ZNF33A: variants seen among roughly 807,000 people sequenced by gnomAD.
ZNF33A encodes the protein zinc finger protein 33A.
ZNF33A carries 9 observed loss-of-function variants against 15.9 expected under a neutral mutation model. That is an observed-to-expected ratio of 0.57 (90% confidence interval 0.34 to 0.99). The LOEUF (loss-of-function observed/expected upper bound fraction) is 0.99. Among genes scored for constraint, ZNF33A ranks in the 50% least tolerant of loss-of-function variants. ZNF33A has a pLI of 0.02. For synonymous variants in ZNF33A, 294 were observed against 324.2 expected (o/e 0.91, Z 1.00); for missense variants, 843 against 941.6 (o/e 0.90, Z 1.37).
At chr10:38,061,652 G>C (rs1210075739), downstream of ZNF33A, among the ~76,000 whole-genome samples, 2 of 152,070 alleles carry the variant, frequency 1.3e-5, no homozygotes, top group Admixed American at 1.3e-4. Flanking sequence ...AAGTCATGTT[G>C]AGGCTGGGTG....
chr10:38,018,056 T>C (rs1678836563), intron 4 of ZNF33A, among the ~76,000 whole-genome samples: 1 of 152,206 alleles, frequency 6.6e-6, no homozygotes, highest in Non-Finnish European at 1.5e-5. Flanking sequence ...ACTGTGCCAC[T>C]GCACTCCAGC....
chr10:38,010,502 G>A, upstream of ZNF33A: 1 of 629,722 alleles, frequency 1.6e-6, no homozygotes, highest in Non-Finnish European at 2.9e-6. Context: ...GCTGCAGGCA[G>A]TTCCAGCACC....
At chr10:38,044,366 C>A (rs2065860084) in intron 4 of ZNF33A, among the ~76,000 whole-genome samples, 1 of 101,128 alleles carries the variant, frequency 9.9e-6, no homozygotes, top group East Asian at 3.0e-4. Flanking sequence ...TGTGCTACCA[C>A]ACTCAGCTAA....
At chr10:38,013,907 C>G (rs1241746201) in intron 2 of ZNF33A, among the ~76,000 whole-genome samples, 2 of 152,122 alleles carry the variant, frequency 1.3e-5, no homozygotes, top group African/African-American at 4.8e-5. Context: ...GTCCCCCTCA[C>G]AATCCTGACA....
downstream of ZNF33A, among the ~76,000 whole-genome samples, chr10:38,067,766 C>G (rs1281124527): frequency 6.6e-6 from 1 of 152,104 alleles, no homozygotes; most frequent in East Asian, 1.9e-4. Context: ...AACTCAGAAA[C>G]CAGTTGAAAA....
chr10:38,066,211 C>T (rs532860528), downstream of ZNF33A, among the ~76,000 whole-genome samples: 67 of 152,250 alleles, frequency 4.4e-4, no homozygotes, highest in African/African-American at 1.4e-3. Flanking sequence ...ATACACTTCT[C>T]CTGGTGTGAT....
At chr10:38,037,092 A>G (rs925722407) in intron 4 of ZNF33A, among the ~76,000 whole-genome samples, 9 of 151,922 alleles carry the variant, frequency 5.9e-5, no homozygotes, top group Non-Finnish European at 1.2e-4. Flanking sequence ...ATGAAGTCTA[A>G]TTTGTTTTTT....
In ZNF33A at chr10:38,044,968, C is replaced by G. The variant is rs548293455; in HGVS notation, c.251-9407C>G. Among the ~76,000 whole-genome samples, 4 of 152,102 alleles carry G rather than the reference C, an allele frequency of 2.6e-5. No individual in the cohort carries two copies. The South Asian group carries it at 6.2e-4, about 24-fold the overall frequency. On this transcript the variant is annotated intron_variant, in intron 4 of 4. Transcript: ENST00000432900. ...CAGGCGTGAGCCACCGTGTCTGGCC[C>G]GAACATATTTATAATAGCTGCTTTG...
chr10:38,033,727 T>TG (rs2065317919), intron 4 of ZNF33A, among the ~76,000 whole-genome samples: 3 of 146,366 alleles, frequency 2.0e-5, no homozygotes, highest in African/African-American at 7.6e-5. Flanking sequence ...TTTTTTTTCT[T>TG]TTTGAGATGG....
At chr10:38,045,160 C>G (rs1423298439) in intron 4 of ZNF33A, among the ~76,000 whole-genome samples, 1 of 152,040 alleles carries the variant, frequency 6.6e-6, no homozygotes, top group South Asian at 2.1e-4. Flanking sequence ...GATACTGGTT[C>G]CTCTATTCTC....
In ZNF33A at chr10:38,056,230, C is replaced by G; in HGVS notation, c.2106C>G (p.Phe702Leu). Reference protein sequence around the residue: ...PYECNECGKFFRHKSSLTVHH... With the variant: ...PYECNECGKFLRHKSSLTVHH... ...AATGCAATGAATGTGGGAAATTCTT[C>G]AGGCACAAATCATCACTCACAGTAC... The change falls in exon 5 of 5, where the codon TTC becomes TTG. Residue 702 changes from phenylalanine (F) to leucine (L), a missense_variant. Physicochemically the swap from Phe to Leu is conservative, Grantham distance 22. Transcript: ENST00000432900. The G allele has an allele frequency of 1.2e-6, 2 of 1,614,110 alleles. No individual in the cohort carries two copies. The highest frequency in any genetic ancestry group is 1.7e-6 in the Non-Finnish European group (2 of 1,179,980).
In ZNF33A at chr10:38,057,218, AATCTGAG is replaced by A. The variant is rs61204266; in HGVS notation, c.*664_*670del. 2.4e-3 allele frequency: 2,338 copies of A among 985,058 alleles called. 49 individuals are homozygous for A. The African/African-American group carries it at 0.038, about 16-fold the overall frequency. 61.0% of individuals were successfully genotyped at this position (985,058 alleles called of 1,614,324 possible). A position where few individuals can be genotyped will look rare whatever the true frequency, so the allele number is the denominator to read the frequency against. On this transcript the variant is annotated 3_prime_UTR_variant, in exon 5 of 5. Transcript: ENST00000432900. Reference sequence around the variant, plus strand: ...CGATTAGTTTACAGAACTGAAAAGGAATCTGAGATCTGTACTGTATCAGGATTACAAA... The same window carrying A: ...CGATTAGTTTACAGAACTGAAAAGGAATCTGTACTGTATCAGGATTACAAA...
At chr10:38,026,320 GTAGA>G (rs77902794) in intron 4 of ZNF33A, among the ~76,000 whole-genome samples, 72,768 of 151,532 alleles carry the variant, frequency 0.48, 18,325 homozygotes, top group South Asian at 0.71. Context: ...TTTTTAATGT[GTAGA>G]TAGATAGATA....
In ZNF33A at chr10:38,057,517, T is replaced by C; in HGVS notation, c.*957T>C. ...ATAGGAAGTAGGTATCCTAGTTTAG[T>C]AGTGGTTACATTATCAGGCCCATCC... On this transcript the variant is annotated 3_prime_UTR_variant, in exon 5 of 5. Transcript: ENST00000432900. 1 of 985,444 alleles carries C rather than the reference T, an allele frequency of 1.0e-6. No homozygotes were observed. Among genetic ancestry groups the C allele is most frequent in the Non-Finnish European group, 1.2e-6 (1 of 829,928 alleles). 61.0% of individuals were successfully genotyped at this position (985,444 alleles called of 1,614,324 possible).
intron 4 of ZNF33A, among the ~76,000 whole-genome samples, chr10:38,051,334 C>T (rs2066194095): frequency 6.6e-6 from 1 of 151,984 alleles, no homozygotes; most frequent in East Asian, 1.9e-4. Flanking sequence ...TTTTATTGTG[C>T]AACAATGTAT....
At chr10:38,029,507 T>G (rs1309675237) in intron 4 of ZNF33A, among the ~76,000 whole-genome samples, 5 of 152,212 alleles carry the variant, frequency 3.3e-5, no homozygotes, top group Non-Finnish European at 5.9e-5. Context: ...TGGCATTCAC[T>G]TGGTTACTGT....
chr10:38,026,710 G>C (rs2065007859), intron 4 of ZNF33A, among the ~76,000 whole-genome samples: 1 of 152,052 alleles, frequency 6.6e-6, no homozygotes, highest in African/African-American at 2.4e-5. Context: ...TTTTCCTTAT[G>C]TTTTCTTCTA....
chr10:38,013,504 T>C (rs1466295191), intron 2 of ZNF33A, among the ~76,000 whole-genome samples: 1 of 152,150 alleles, frequency 6.6e-6, no homozygotes, highest in East Asian at 1.9e-4. Flanking sequence ...CTTGGCTCAC[T>C]GCAACCTCCG....
chr10:38,045,777 T>C (rs952560953), intron 4 of ZNF33A, among the ~76,000 whole-genome samples: 26 of 152,188 alleles, frequency 1.7e-4, no homozygotes, highest in African/African-American at 6.3e-4. Context: ...ATTTCCATTC[T>C]TTTTGAGGGT....
Sources: gnomAD v4.1 joint callset for allele counts (sites outside exome capture counted in the v4.1 genomes callset) on GRCh38, gnomAD v4.1.1 for gene constraint, MANE v1.5 for transcripts, NCBI Gene and HGNC (gene_info 2026-07-23, HGNC 2026-07-21) for gene names.